The following TAF2 variants were observed in gnomAD, a reference collection of about 807,000 sequenced individuals.
TAF2 encodes the protein transcription initiation factor TFIID subunit 2.
A neutral mutation model predicts 138.5 loss-of-function variants in TAF2; 61 were observed. That is an observed-to-expected ratio of 0.44 (90% confidence interval 0.36 to 0.54). The LOEUF (loss-of-function observed/expected upper bound fraction) is 0.54. TAF2 is among the 20% of genes least tolerant of loss of function. The pLI is 0.00. For missense variants in TAF2, 1,090 were observed against 1,427.9 expected (o/e 0.76, Z 3.81); for synonymous variants, 475 against 469.9 (o/e 1.01, Z -0.14).
chr8:119,745,157 G>A, intron 23 of TAF2: 1 of 362,046 alleles, frequency 2.8e-6, no homozygotes, highest in Non-Finnish European at 5.5e-6. Flanking sequence ...GAAATTATCA[G>A]CAATGGGCTT....
intron 3 of TAF2, among the ~76,000 whole-genome samples, chr8:119,811,849 C>G (rs1478160355): frequency 6.6e-6 from 1 of 151,428 alleles, no homozygotes; most frequent in African/African-American, 2.4e-5. Context: ...AAAATTTAAC[C>G]TGGAACCATG....
rs553787677 is a variant in TAF2, at chr8:119,776,582, G to A, written c.2364+1437C>T. On this transcript the variant is annotated intron_variant, in intron 18 of 25. Transcript: ENST00000378164. ...CGGGTACCTGTAGTCCCAGCTATTCGGGAGGCTGAGGTAGGAGAATGGCGT... is the reference window on the plus strand; with the variant it reads ...CGGGTACCTGTAGTCCCAGCTATTCAGGAGGCTGAGGTAGGAGAATGGCGT... Among the ~76,000 whole-genome samples, 46 of 151,004 alleles carry A rather than the reference G, an allele frequency of 3.0e-4. 1 individual carries two copies. Among genetic ancestry groups the A allele is most frequent in the Admixed American group, 3.0e-3 (45 of 15,210 alleles).
chr8:119,758,067 A>C lies in TAF2; in HGVS notation c.2768+6T>G, dbSNP rs1820819178. The C allele has an allele frequency of 6.2e-7, 1 of 1,611,894 alleles. No individual in the cohort carries two copies. Among genetic ancestry groups the C allele is most frequent in the Non-Finnish European group, 8.5e-7 (1 of 1,178,462 alleles). ...AATATCATAGCATCATAGCACATAA[A>C]CTAACCTTACATAGGGTACAGGGTC... On this transcript the variant is annotated splice_donor_region_variant and intron_variant, in intron 21 of 25. Transcript: ENST00000378164.
intron 20 of TAF2, among the ~76,000 whole-genome samples, chr8:119,759,055 A>T (rs1200507848): frequency 2.0e-5 from 3 of 152,112 alleles, no homozygotes; most frequent in Non-Finnish European, 4.4e-5. Flanking sequence ...AACTATCCAT[A>T]CATCTTGGGA....
intron 3 of TAF2, among the ~76,000 whole-genome samples, chr8:119,815,279 CTT>C (rs796422815): frequency 4.9e-5 from 7 of 143,182 alleles, no homozygotes; most frequent in Non-Finnish European, 7.7e-5. Flanking sequence ...GGGACTTGGT[CTT>C]TTTTTTTTTT....
chr8:119,799,551 T>A (rs1824093232), intron 6 of TAF2, among the ~76,000 whole-genome samples: 1 of 152,232 alleles, frequency 6.6e-6, no homozygotes, highest in African/African-American at 2.4e-5. Flanking sequence ...ATCCAGCCTA[T>A]CACTGATGGA....
Position 119,778,126 on chromosome 8 carries a change from T to C in TAF2, c.2257A>G (p.Met753Val), listed in dbSNP as rs1158012433. 1.3e-5 allele frequency: 20 copies of C among 1,590,392 alleles called. No individual in the cohort carries two copies. The highest frequency in any genetic ancestry group is 1.6e-5 in the Non-Finnish European group (19 of 1,164,596). The change falls in exon 18 of 26, where the codon ATG (methionine) becomes GTG (valine). Residue 753 changes from methionine (M) to valine (V), a missense_variant. This residue lies in a region of TAF2 where 580 missense variants were observed against 719.6 expected (regional missense o/e 0.81). Transcript: ENST00000378164. The stretch of plus-strand genomic sequence containing the variant: ...CTTAATAAAGCCATTGCAACTGGCA[T>C]AGTCTACAAAAGAAAAAAAAGAACT... The part of the protein sequence containing the change: ...SFQSYFLQKT[M>V]PVAMALLRDV...
Position 119,760,438 on chromosome 8 carries a change from T to C in TAF2, c.2698+161A>G. The C allele has an allele frequency of 5.0e-6, 4 of 807,810 alleles. No homozygotes were observed. In the South Asian group the frequency reaches 5.8e-5, roughly 12 times the overall value. 50.0% of individuals were successfully genotyped at this position (807,810 alleles called of 1,614,324 possible). A position where few individuals can be genotyped will look rare whatever the true frequency, so the allele number is the denominator to read the frequency against. ...TTTCCCTCATTTATTAACTCTTATG[T>C]GAATTCTACATTTATCAAAGATGAT... On this transcript the variant is annotated intron_variant, in intron 20 of 25. Coordinates refer to ENST00000378164, the MANE Select transcript of TAF2 (RefSeq NM_003184.4).
intron 6 of TAF2, among the ~76,000 whole-genome samples, chr8:119,799,607 A>G (rs910987002): frequency 6.6e-6 from 1 of 152,180 alleles, no homozygotes; most frequent in African/African-American, 2.4e-5. Flanking sequence ...TGCTGCAATA[A>G]ACACACATGT....
intron 6 of TAF2, among the ~76,000 whole-genome samples, chr8:119,798,464 T>C (rs904247322): frequency 3.3e-5 from 5 of 152,112 alleles, no homozygotes; most frequent in African/African-American, 1.2e-4. Context: ...GCCAAATGAG[T>C]GCCATCAACA....
rs1822935570 is a variant in TAF2 at position 119,785,194 on chromosome 8, A to G, written c.1859+7T>C. 1 of 1,609,272 alleles carries G rather than the reference A, an allele frequency of 6.2e-7. No homozygotes were observed. The highest frequency in any genetic ancestry group is 1.7e-5 in the Admixed American group (1 of 59,976). ...TTATAACCTTATATTTAAGTTAACT[A>G]ACTTACTCCATTGCAGAAAGATCCA... is the stretch of plus-strand genomic sequence containing the variant. On this transcript the variant is annotated splice_region_variant and intron_variant, in intron 15 of 25. Coordinates refer to ENST00000378164, the MANE Select transcript of TAF2 (RefSeq NM_003184.4).
At chr8:119,799,426 G>A (rs535106271) in intron 6 of TAF2, among the ~76,000 whole-genome samples, 45 of 151,796 alleles carry the variant, frequency 3.0e-4, no homozygotes, top group African/African-American at 1.1e-3. Context: ...TTGTCCTTGC[G>A]AGTTTGCTGA....
chr8:119,778,138 G>GAAA lies in TAF2; in HGVS notation c.2254-12_2254-10dup. 1 of 1,520,176 alleles carries GAAA rather than the reference G, an allele frequency of 6.6e-7. No individual in the cohort carries two copies. Among genetic ancestry groups the GAAA allele is most frequent in the Non-Finnish European group, 9.1e-7 (1 of 1,103,752 alleles). The allele number at this position is 1,520,176 out of a possible 1,614,324, so 94.2% of individuals were successfully genotyped here. A position where few individuals can be genotyped will look rare whatever the true frequency, so the allele number is the denominator to read the frequency against. On this transcript the variant is annotated splice_polypyrimidine_tract_variant and intron_variant, in intron 17 of 25. Coordinates refer to ENST00000378164, the MANE Select transcript of TAF2 (RefSeq NM_003184.4). ...ATTGCAACTGGCATAGTCTACAAAA[G>GAAA]AAAAAAAAGAACTTTTAAAAGCACA...
chr8:119,801,254 T>C (rs528761565), intron 6 of TAF2, among the ~76,000 whole-genome samples: 1 of 152,294 alleles, frequency 6.6e-6, no homozygotes, highest in East Asian at 1.9e-4. Context: ...TAACTGAAGC[T>C]CTTTTGAAAT....
chr8:119,812,128 A>ACCC (rs1825113497), intron 3 of TAF2, among the ~76,000 whole-genome samples: 1 of 152,124 alleles, frequency 6.6e-6, no homozygotes, highest in Non-Finnish European at 1.5e-5. Flanking sequence ...TTGACACAAA[A>ACCC]CTGTCTGTCA....
At chr8:119,790,704 C>G (rs185755964) in intron 11 of TAF2, among the ~76,000 whole-genome samples, 3 of 152,220 alleles carry the variant, frequency 2.0e-5, no homozygotes, top group Admixed American at 2.0e-4. Flanking sequence ...TTACGTTTTT[C>G]TATTGAAAAC....
chr8:119,796,569 T>C (rs139234110), intron 8 of TAF2, among the ~76,000 whole-genome samples: 1,686 of 152,204 alleles, frequency 0.011, 32 homozygotes, highest in African/African-American at 0.038. Context: ...CTTTGAACAC[T>C]GACATTAAAA....
chr8:119,779,271 C>T (rs566611321), intron 17 of TAF2, among the ~76,000 whole-genome samples: 1 of 151,676 alleles, frequency 6.6e-6, no homozygotes, highest in South Asian at 2.1e-4. Flanking sequence ...CACACACACA[C>T]ACACACACAC....
chr8:119,747,677 C>A (rs73702919), intron 22 of TAF2, among the ~76,000 whole-genome samples: 2,058 of 152,230 alleles, frequency 0.014, 47 homozygotes, highest in African/African-American at 0.046. Flanking sequence ...GTACAACACT[C>A]CAGTAGATAT....
Sources: allele counts gnomAD v4.1 joint callset (sites outside exome capture counted in the v4.1 genomes callset), GRCh38; gene constraint gnomAD v4.1.1; regional missense constraint gnomAD v4.1.1; transcripts MANE v1.5; gene names NCBI Gene and HGNC (gene_info 2026-07-23, HGNC 2026-07-21).